Variants in GDAP1 observed in about 807,000 individuals in gnomAD.
The protein encoded by GDAP1 is ganglioside-induced differentiation-associated protein 1.
Under a neutral mutation model 40.1 loss-of-function variants are expected in GDAP1, and 34 were observed. The ratio of observed to expected loss-of-function variants is 0.85; its 90% CI spans 0.64 to 1.13. GDAP1 has a LOEUF of 1.13. Among genes scored for constraint, GDAP1 ranks in the 50% most tolerant of loss-of-function variants. The pLI is 0.00. For synonymous variants in GDAP1, 170 were observed against 157.4 expected, an observed-to-expected ratio of 1.08 and a Z score of -0.60; for missense variants, 374 against 433.7, an observed-to-expected ratio of 0.86 and a Z score of 1.22.
chr8:74,452,743 T>G (rs1425696593), intron 2 of GDAP1, among the ~76,000 whole-genome samples: 1 of 84,378 alleles, frequency 1.2e-5, no homozygotes, highest in Non-Finnish European at 2.4e-5. Context: ...GTCTGTTAAT[T>G]CTACCATTTG....
intron 2 of GDAP1, among the ~76,000 whole-genome samples, chr8:74,406,146 C>A (rs1166791160): frequency 4.7e-5 from 7 of 150,220 alleles, no homozygotes; most frequent in Admixed American, 4.6e-4. Context: ...ACTCACCTGA[C>A]CTTGTCTTAG....
At chr8:74,351,537 C>T (rs1808876074) in intron 2 of GDAP1, 71 bp downstream of exon 2, 1 of 1,034,920 alleles carries the variant, frequency 9.7e-7, no homozygotes, top group East Asian at 2.4e-5. Flanking sequence ...TTCTCTTTTT[C>T]TCTCTCTCCT....
At chr8:74,372,577 G>C (rs1809773390) in intron 2 of GDAP1, among the ~76,000 whole-genome samples, 2 of 152,198 alleles carry the variant, frequency 1.3e-5, no homozygotes, top group Admixed American at 1.3e-4. Flanking sequence ...CTTTTGAGAA[G>C]TGTCTGTTCA....
At chr8:74,479,599 C>A (rs1292273784) in intron 2 of GDAP1, among the ~76,000 whole-genome samples, 2 of 152,166 alleles carry the variant, frequency 1.3e-5, no homozygotes, top group Non-Finnish European at 2.9e-5. Flanking sequence ...TGGCTTAAAG[C>A]AATCACTATT....
rs912750923 is a variant in GDAP1, at chr8:74,482,145, A to C, written c.166-6533A>C. On this transcript the variant is annotated intron_variant, in intron 2 of 2. Coordinates refer to the GDAP1 transcript ENST00000523640. ...GGGGGGGGGGGGTCATCTTTCTTCC[A>C]GGATCAAGTAGCTTAATTTGACACT... 1.3e-4 allele frequency among the ~76,000 whole-genome samples: 20 copies of C among 149,002 alleles called. No homozygotes were observed. The Admixed American group carries it at 1.3e-3, about 10-fold the overall frequency.
intron 2 of GDAP1, among the ~76,000 whole-genome samples, chr8:74,462,274 G>A (rs1806411115): frequency 1.3e-5 from 2 of 152,184 alleles, no homozygotes; most frequent in South Asian, 4.1e-4. Flanking sequence ...TGTGTTCTAA[G>A]TGGAGCTATA....
intron 2 of GDAP1, among the ~76,000 whole-genome samples, chr8:74,431,582 C>T (rs747623994): frequency 1.7e-4 from 26 of 151,992 alleles, no homozygotes; most frequent in Non-Finnish European, 2.8e-4. Flanking sequence ...CCCGGGTTCA[C>T]GCCATTCTCC....
chr8:74,470,515 G>A (rs919237885), intron 2 of GDAP1, among the ~76,000 whole-genome samples: 3 of 151,342 alleles, frequency 2.0e-5, no homozygotes, highest in Non-Finnish European at 4.4e-5. Flanking sequence ...CTGGTTTTTT[G>A]TCCTTGCGAT....
rs1173002851 is a variant in GDAP1 at position 74,351,402 on chromosome 8, C to T, written c.246C>T (p.His82=). Residue 82 remains histidine, a synonymous_variant, in exon 2 of 6, where the codon CAC becomes CAT. Coordinates refer to ENST00000220822, the MANE Select transcript of GDAP1 (RefSeq NM_018972.4). ...CTGGAGAAGTGCCTGTCCTTATCCA[C>T]GGGGAAAACATAATTTGTGAGGCCA... ...NSTGEVPVLI[H]GENIICEATQ... The T allele has an allele frequency of 2.5e-6, 4 of 1,613,724 alleles. No individual in the cohort carries two copies. The highest frequency in any genetic ancestry group is 2.7e-5 in the African/African-American group (2 of 75,034).
chr8:74,395,606 C>T (rs538502205), intron 2 of GDAP1, among the ~76,000 whole-genome samples: 2 of 152,152 alleles, frequency 1.3e-5, no homozygotes, highest in African/African-American at 2.4e-5. Flanking sequence ...GTGACACTAG[C>T]GCATTGCCAT....
intron 2 of GDAP1, among the ~76,000 whole-genome samples, chr8:74,434,411 A>C (rs1806063827): frequency 6.6e-6 from 1 of 152,232 alleles, no homozygotes; most frequent in African/African-American, 2.4e-5. Context: ...TGAAGTAATT[A>C]GACCATCAGT....
At chr8:74,389,794 C>T (rs909318597) in intron 2 of GDAP1, among the ~76,000 whole-genome samples, 2 of 152,162 alleles carry the variant, frequency 1.3e-5, no homozygotes, top group African/African-American at 4.8e-5. Flanking sequence ...CAATTCTCCC[C>T]GTCACTTTCA....
intron 2 of GDAP1, among the ~76,000 whole-genome samples, chr8:74,480,098 C>T (rs1445491367): frequency 2.6e-5 from 4 of 151,414 alleles, no homozygotes; most frequent in Middle Eastern, 3.4e-3. Context: ...AAGCGATTCT[C>T]CTGCTTTAGC....
chr8:74,444,952 T>C (rs1261094439), intron 2 of GDAP1, among the ~76,000 whole-genome samples: 2 of 152,200 alleles, frequency 1.3e-5, no homozygotes, highest in Non-Finnish European at 2.9e-5. Flanking sequence ...AAAATAAATC[T>C]ATTAGTTTGA....
At position 74,403,895 on chromosome 8, in the gene GDAP1, CA is replaced by C. The variant is rs201451193; in HGVS notation, c.165+52577del. Among the ~76,000 whole-genome samples, 362 of 150,104 alleles carry C rather than the reference CA, an allele frequency of 2.4e-3. 5 individuals carry two copies. In the East Asian group the frequency reaches 0.038, roughly 16 times the overall value. ...ATAAAGCTTTGACAGTCTATATCTG[CA>C]AAGTTTTGTCTTTTATTCTCTTTGT... is the stretch of plus-strand genomic sequence containing the variant. On this transcript the variant is annotated intron_variant, in intron 2 of 2. Coordinates refer to the GDAP1 transcript ENST00000523640.
chr8:74,468,478 TACACACACACACACACACACACACAC>T, intron 2 of GDAP1, among the ~76,000 whole-genome samples: 1 of 139,120 alleles, frequency 7.2e-6, no homozygotes. Flanking sequence ...AATGACCCCA[TACACACACACACACACACACACACAC>T]ACACACACAC....
At chr8:74,355,348 C>T (rs2131503014) in intron 2 of GDAP1, among the ~76,000 whole-genome samples, 1 of 152,238 alleles carries the variant, frequency 6.6e-6, no homozygotes, top group East Asian at 1.9e-4. Flanking sequence ...TTTAAAGATC[C>T]GAAATCATTA....
At chr8:74,381,334 A>T (rs566056526) in intron 2 of GDAP1, among the ~76,000 whole-genome samples, 2 of 152,280 alleles carry the variant, frequency 1.3e-5, no homozygotes, top group African/African-American at 4.8e-5. Flanking sequence ...CAGTAAGAAA[A>T]TTATTAAACT....
At chr8:74,481,857 G>C (rs1393675094) in intron 2 of GDAP1, among the ~76,000 whole-genome samples, 1 of 152,170 alleles carries the variant, frequency 6.6e-6, no homozygotes, top group African/African-American at 2.4e-5. Flanking sequence ...TGTTTGTTAT[G>C]GTTGATGATG....
Sources: gnomAD v4.1 joint callset for allele counts (sites outside exome capture counted in the v4.1 genomes callset) on GRCh38, gnomAD v4.1.1 for gene constraint, MANE v1.5 for transcripts, NCBI Gene and HGNC (gene_info 2026-07-23, HGNC 2026-07-21) for gene names.